HECTD3: variants seen among roughly 807,000 people sequenced by gnomAD.
HECTD3 encodes the protein E3 ubiquitin-protein ligase HECTD3.
In HECTD3, 72 loss-of-function variants were observed where a neutral mutation model predicts 109.3. The observed-to-expected ratio is 0.66, with a 90% CI of 0.54 to 0.80. HECTD3 has a LOEUF of 0.80. Among genes scored for constraint, HECTD3 ranks in the 30% least tolerant of loss-of-function variants. HECTD3 has a pLI of 0.00. For missense variants in HECTD3, 1,041 were observed against 1,165.2 expected (o/e 0.89, Z 1.55); for synonymous variants, 481 against 471.8 (o/e 1.02, Z -0.25).
At position 45,011,302 on chromosome 1, in the gene HECTD3, G is replaced by A. The variant is rs1380923989; in HGVS notation, c.-45C>T. On this transcript the variant is annotated 5_prime_UTR_variant, in exon 1 of 21. Coordinates refer to ENST00000372172, the MANE Select transcript of HECTD3 (RefSeq NM_024602.6). ...GCACCTAGAGGCGACCCTGCCCGGG[G>A]AACAGCTGGCGCGACCGCGGACAGA... 9 of 1,350,506 alleles carry A rather than the reference G, an allele frequency of 6.7e-6. No homozygotes were observed. The highest frequency in any genetic ancestry group is 8.5e-6 in the Non-Finnish European group (9 of 1,056,646). 83.7% of individuals were successfully genotyped at this position (1,350,506 alleles called of 1,614,324 possible). A position where few individuals can be genotyped will look rare whatever the true frequency, so the allele number is the denominator to read the frequency against.
chr1:45,004,675 G>C lies in HECTD3; in HGVS notation c.2067C>G (p.Ile689Met). 6.2e-7 allele frequency: 1 copy of C among 1,614,168 alleles called. No homozygotes were observed. Among genetic ancestry groups the C allele is most frequent in the Non-Finnish European group, 8.5e-7 (1 of 1,180,030 alleles). Residue 689 changes from isoleucine to methionine, a missense_variant, in exon 16 of 21, where the codon ATC (isoleucine) becomes ATG (methionine). Coordinates refer to ENST00000372172, the MANE Select transcript of HECTD3 (RefSeq NM_024602.6). ...VVELIPGGAGIVVGYGDRSRF... is the reference protein window; with the variant it reads ...VVELIPGGAGMVVGYGDRSRF... ...GAGAACGGTCCCCATATCCCACGAC[G>C]ATGCCTGCACCCCCAGGGATCAGCT...
Position 45,007,304 on chromosome 1 carries a change from G to A in HECTD3, c.1504-33C>T, listed in dbSNP as rs753540369. 1.9e-6 allele frequency: 3 copies of A among 1,608,270 alleles called. No homozygotes were observed. In the African/African-American group the frequency reaches 4.0e-5, roughly 22 times the overall value. ...CAAGGAGGAAAGGAGTCATAGGAAAGCAAGACCTGGCCCTATACTTGCCCC... is the reference window on the plus strand; with the variant it reads ...CAAGGAGGAAAGGAGTCATAGGAAAACAAGACCTGGCCCTATACTTGCCCC... On this transcript the variant is annotated intron_variant, in intron 10 of 20. Transcript: ENST00000372172.
chr1:45,009,753 A>G, intron 4 of HECTD3, 70 bp from the exon 5 acceptor site: 2 of 1,274,884 alleles, frequency 1.6e-6, no homozygotes, highest in Non-Finnish European at 2.2e-6. Flanking sequence ...GCTCTGGGCC[A>G]GGAGCACCAG....
chr1:45,004,772 T>C lies in HECTD3; in HGVS notation c.1970A>G (p.Lys657Arg), dbSNP rs373467949. The C allele has an allele frequency of 1.9e-6, 3 of 1,614,108 alleles. No individual in the cohort carries two copies. The highest frequency in any genetic ancestry group is 2.7e-5 in the African/African-American group (2 of 74,932). The change falls in exon 16 of 21, where the codon AAG (lysine) becomes AGG (arginine). Residue 657 changes from lysine (K) to arginine (R), a missense_variant. By Grantham distance (26) the Lys-to-Arg change is conservative. This residue lies in a region of HECTD3 where 569 missense variants were observed against 715.3 expected (regional missense o/e 0.80). Transcript: ENST00000372172. ...KLLEVMEGMD[K>R]ETFEFKFGKE... ...CCCAAACTTGAACTCAAACGTCTCC[T>C]TGTCCATTCCTTCCATCACTTCCAG...
In HECTD3 at chr1:45,008,481, AC is replaced by A. The variant is rs902984900; in HGVS notation, c.1238+54del. Reference sequence around the variant, plus strand: ...TTGGGAACCTCCTCCATGCAGACACACAAGGCTCAATGTTGGGGGAAGGGAA... The same window carrying A: ...TTGGGAACCTCCTCCATGCAGACACAAAGGCTCAATGTTGGGGGAAGGGAA... On this transcript the variant is annotated intron_variant, in intron 8 of 20. Transcript: ENST00000372172. The A allele has an allele frequency of 6.3e-6, 10 of 1,585,892 alleles. No homozygotes were observed. The African/African-American group carries it at 1.3e-4, about 21-fold the overall frequency.
At position 45,011,234 on chromosome 1, in the gene HECTD3, C is replaced by T. The variant is rs1480617060; in HGVS notation, c.24G>A (p.Ala8=). The change falls in exon 1 of 21, where the codon GCG becomes GCA. Residue 8 remains alanine (A), a synonymous_variant. Coordinates refer to ENST00000372172, the MANE Select transcript of HECTD3 (RefSeq NM_024602.6). MAGPGPG[A]VLESPRQLLG... ...GCAGCTGCCGGGGGGACTCCAGCAC[C>T]GCGCCCGGGCCAGGACCCGCCATGG... The T allele has an allele frequency of 3.6e-6, 5 of 1,384,444 alleles. No individual in the cohort carries two copies. Among genetic ancestry groups the T allele is most frequent in the South Asian group, 3.3e-5 (2 of 61,270 alleles). 85.8% of individuals were successfully genotyped at this position (1,384,444 alleles called of 1,614,324 possible). A position where few individuals can be genotyped will look rare whatever the true frequency, so the allele number is the denominator to read the frequency against.
rs768398049 is a variant in HECTD3 at position 45,004,131 on chromosome 1, C to T, written c.2276G>A (p.Arg759Gln). 4 of 1,614,026 alleles carry T rather than the reference C, an allele frequency of 2.5e-6. No individual in the cohort carries two copies. Among genetic ancestry groups the T allele is most frequent in the African/African-American group, 2.7e-5 (2 of 74,920 alleles). ...VTVDALRKLT[R>Q]FEDFEPSDSR... Reference sequence around the variant, plus strand: ...GTCAGATGGCTCGAAGTCCTCAAACCGGGCTGGTGGAGACAAGGCCAGCAT... The same window carrying T: ...GTCAGATGGCTCGAAGTCCTCAAACTGGGCTGGTGGAGACAAGGCCAGCAT... The change falls in exon 18 of 21, where the codon CGG becomes CAG. Residue 759 changes from arginine to glutamine, a missense_variant. Transcript: ENST00000372172.
rs1456462481 is a variant in HECTD3, at chr1:45,003,583, G to A, written c.2502-7C>T. 6.2e-7 allele frequency: 1 copy of A among 1,614,170 alleles called. No homozygotes were observed. The highest frequency in any genetic ancestry group is 1.1e-5 in the South Asian group (1 of 91,084). On this transcript the variant is annotated splice_region_variant and splice_polypyrimidine_tract_variant and intron_variant, in intron 20 of 20. Coordinates refer to ENST00000372172, the MANE Select transcript of HECTD3 (RefSeq NM_024602.6). This position sits in a 1 kb window ranked among gnomAD's most constrained non-coding sequence, Gnocchi z 4.7. ...CTCCTCGCATACCTTGGCACTGTGG[G>A]AATGGGGACTTGGTCAGGTCCCTAC...
intron 15 of HECTD3, 109 bp from the exon 16 acceptor site, chr1:45,004,915 C>T (rs1644721419): frequency 2.2e-6 from 2 of 928,652 alleles, no homozygotes; most frequent in Non-Finnish European, 3.5e-6. Flanking sequence ...AGGCAGTCCC[C>T]ATGGAGGCAG....
intron 7 of HECTD3, 78 bp from the exon 8 acceptor site, chr1:45,008,779 G>C: frequency 7.1e-7 from 1 of 1,400,984 alleles, no homozygotes; most frequent in Non-Finnish European, 1.0e-6. Context: ...CCGGCTCCTT[G>C]AACGCTCAGC....
At position 45,009,453 on chromosome 1, in the gene HECTD3, T is replaced by C. The variant is rs1420381812; in HGVS notation, c.905A>G (p.Asp302Gly). ...CACCCGCTTTGGCATAAAGTTGTCA[T>C]CTGTGGTATCCACTGTGAGTAGCAG... is the stretch of plus-strand genomic sequence containing the variant. Reference protein sequence around the residue: ...KKLLLTVDTTDDNFMPKRVVV... With the variant: ...KKLLLTVDTTGDNFMPKRVVV... The change falls in exon 6 of 21, where the codon GAT becomes GGT. Residue 302 changes from aspartate (D) to glycine (G), a missense_variant. Transcript: ENST00000372172. 1 of 1,614,156 alleles carries C rather than the reference T, an allele frequency of 6.2e-7. No individual in the cohort carries two copies. Among genetic ancestry groups the C allele is most frequent in the East Asian group, 2.2e-5 (1 of 44,884 alleles).
At chr1:45,007,380 T>G (rs1391004700) in intron 10 of HECTD3, 33 bp downstream of exon 10, 1 of 1,612,118 alleles carries the variant, frequency 6.2e-7, no homozygotes, top group African/African-American at 1.3e-5. Context: ...CCTTGACTGA[T>G]CCTATCTCAG....
chr1:45,008,062 C>T (rs958622842), intron 9 of HECTD3, among the ~76,000 whole-genome samples, 178 bp downstream of exon 9: 2 of 152,218 alleles, frequency 1.3e-5, no homozygotes, highest in Admixed American at 6.5e-5. Context: ...ACCAAGGAGG[C>T]TGGGGAACAG....
chr1:45,010,121 G>A lies in HECTD3; in HGVS notation c.624C>T (p.Leu208=). Residue 208 remains leucine (L), a splice_region_variant and synonymous_variant, in exon 4 of 21, where the codon CTC becomes CTT. Transcript: ENST00000372172. ...EAYAEAVQRL[L]YVPPTWTYEC... is the part of the protein sequence containing the mutation. ...CGTAGGTCCATGTCGGGGGTACATAGCTAAGCAACCCCAAGCCCCTAATTA... is the reference window on the plus strand; with the variant it reads ...CGTAGGTCCATGTCGGGGGTACATAACTAAGCAACCCCAAGCCCCTAATTA... 6.2e-7 allele frequency: 1 copy of A among 1,611,588 alleles called. No homozygotes were observed. The highest frequency in any genetic ancestry group is 1.3e-5 in the African/African-American group (1 of 74,960).
In HECTD3 at chr1:45,003,578, T is replaced by G; in HGVS notation, c.2502-2A>C. 2 of 1,614,160 alleles carry G rather than the reference T, an allele frequency of 1.2e-6. No individual in the cohort carries two copies. Among genetic ancestry groups the G allele is most frequent in the Non-Finnish European group, 1.7e-6 (2 of 1,179,996 alleles). ...AGCTTCTCCTCGCATACCTTGGCAC[T>G]GTGGGAATGGGGACTTGGTCAGGTC... On this transcript the variant is annotated splice_acceptor_variant, in intron 20 of 20. Coordinates refer to ENST00000372172, the MANE Select transcript of HECTD3 (RefSeq NM_024602.6). LOFTEE classifies it high-confidence loss of function. The surrounding 1 kb of genome is among the most constrained non-coding windows in gnomAD (Gnocchi z 4.7).
At position 45,011,253 on chromosome 1, in the gene HECTD3, G is replaced by A. The variant is rs749682553; in HGVS notation, c.5C>T (p.Ala2Val). The A allele has an allele frequency of 5.2e-6, 7 of 1,353,590 alleles. No homozygotes were observed. The highest frequency in any genetic ancestry group is 4.0e-5 in the Admixed American group (1 of 24,918). 83.8% of individuals were successfully genotyped at this position (1,353,590 alleles called of 1,614,324 possible). M[A>V]GPGPGAVLES... ...CAGCACCGCGCCCGGGCCAGGACCC[G>A]CCATGGCGAAGTGGCGGAGGTGAGC... The change falls in exon 1 of 21, where the codon GCG becomes GTG. Residue 2 changes from alanine (A) to valine (V), a missense_variant. This residue lies in a region of HECTD3 where 472 missense variants were observed against 449.9 expected (regional missense o/e 1.05). Coordinates refer to ENST00000372172, the MANE Select transcript of HECTD3 (RefSeq NM_024602.6).
At chr1:45,005,117 CTG>C (rs777022635) in intron 15 of HECTD3, 1 of 454,064 alleles carries the variant, frequency 2.2e-6, no homozygotes. Context: ...CCTAAGGAAA[CTG>C]TGTGGCTGGA....
chr1:45,009,092 C>T (rs1245450422), intron 7 of HECTD3, 52 bp downstream of exon 7: 13 of 1,372,430 alleles, frequency 9.5e-6, no homozygotes, highest in Non-Finnish European at 1.3e-5. Flanking sequence ...TCTCTGTTTG[C>T]CCCCATCTCC....
chr1:45,010,119 T>G lies in HECTD3; in HGVS notation c.626A>C (p.Tyr209Ser), dbSNP rs760916524. 1 of 1,611,328 alleles carries G rather than the reference T, an allele frequency of 6.2e-7. No individual in the cohort carries two copies. The highest frequency in any genetic ancestry group is 8.5e-7 in the Non-Finnish European group (1 of 1,177,954). Reference protein sequence around the residue: ...AYAEAVQRLLYVPPTWTYECD... With the variant: ...AYAEAVQRLLSVPPTWTYECD... ...CTCGTAGGTCCATGTCGGGGGTACATAGCTAAGCAACCCCAAGCCCCTAAT... is the reference window on the plus strand; with the variant it reads ...CTCGTAGGTCCATGTCGGGGGTACAGAGCTAAGCAACCCCAAGCCCCTAAT... The change falls in exon 4 of 21, where the codon TAT (tyrosine) becomes TCT (serine). Residue 209 changes from tyrosine to serine, a missense_variant and splice_region_variant. By Grantham distance (144) the Tyr-to-Ser change is moderately radical. This residue lies in a region of HECTD3 where 472 missense variants were observed against 449.9 expected (regional missense o/e 1.05). Coordinates refer to ENST00000372172, the MANE Select transcript of HECTD3 (RefSeq NM_024602.6).
Sources: allele counts gnomAD v4.1 joint callset (sites outside exome capture counted in the v4.1 genomes callset), GRCh38; gene constraint gnomAD v4.1.1; regional missense constraint gnomAD v4.1.1; non-coding constraint Gnocchi (gnomAD v3.1); transcripts MANE v1.5; gene names NCBI Gene and HGNC (gene_info 2026-07-23, HGNC 2026-07-21).